LARGE1: variants seen among roughly 807,000 people sequenced by gnomAD.
The protein encoded by LARGE1 is LARGE xylosyl- and glucuronyltransferase 1.
Under a neutral mutation model 87.6 loss-of-function variants are expected in LARGE1, and 43 were observed. The observed-to-expected ratio is 0.49, with a 90% confidence interval of 0.38 to 0.63. The LOEUF is 0.63. Among genes scored for constraint, LARGE1 ranks in the 30% least tolerant of loss-of-function variants. The pLI is 0.00. For synonymous variants in LARGE1, 434 were observed against 394.6 expected (o/e 1.10, Z -1.18); for missense variants, 802 against 1,000.2 (o/e 0.80, Z 2.67).
chr22:33,070,252 G>C, the LARGE1 span, among the ~76,000 whole-genome samples: 1 of 152,224 alleles, frequency 6.6e-6, no homozygotes, highest in Non-Finnish European at 1.5e-5. Context: ...CACTGGGCCA[G>C]GGGTCTAGTA....
At chr22:33,444,696 T>C (rs1051652205) in intron 6 of LARGE1, among the ~76,000 whole-genome samples, 2 of 152,200 alleles carry the variant, frequency 1.3e-5, no homozygotes, top group African/African-American at 4.8e-5. Context: ...GAAAGGCGTA[T>C]TTCAAAGGTC....
intron 1 of LARGE1, among the ~76,000 whole-genome samples, chr22:33,839,292 AC>A (rs770338068): frequency 2.6e-5 from 4 of 152,174 alleles, no homozygotes; most frequent in Non-Finnish European, 5.9e-5. Flanking sequence ...CTTTTAAACA[AC>A]CAGATTTCTC....
At chr22:33,279,541 C>T (rs1299581082) in intron 13 of LARGE1, among the ~76,000 whole-genome samples, 6 of 152,150 alleles carry the variant, frequency 3.9e-5, no homozygotes, top group Non-Finnish European at 7.3e-5. Context: ...TGGGCACTGG[C>T]CAATGGGTGG....
At chr22:33,147,927 C>A in the LARGE1 span, among the ~76,000 whole-genome samples, 1 of 152,272 alleles carries the variant, frequency 6.6e-6, no homozygotes. Context: ...TTAAATGTCC[C>A]TACCAAAATT....
At chr22:33,390,635 CA>C (rs2065483219) in intron 7 of LARGE1, among the ~76,000 whole-genome samples, 3 of 151,664 alleles carry the variant, frequency 2.0e-5, no homozygotes, top group Non-Finnish European at 4.4e-5. Flanking sequence ...GGGCCATAGG[CA>C]AGCTGCTCTT....
Position 33,629,138 on chromosome 22 carries a change from A to C in LARGE1, c.409-2812T>G, listed in dbSNP as rs138404963. Among the ~76,000 whole-genome samples the C allele has an allele frequency of 1.4e-4, 22 of 152,248 alleles. No individual in the cohort carries two copies. In the East Asian group the frequency reaches 4.1e-3, roughly 28 times the overall value. On this transcript the variant is annotated intron_variant, in intron 3 of 14. Transcript: ENST00000397394. Reference sequence around the variant, plus strand: ...GAAAGACACCATTGCTTATCTCTGGATAATATCTGTAAAAGACTCAGGATG... The same window carrying C: ...GAAAGACACCATTGCTTATCTCTGGCTAATATCTGTAAAAGACTCAGGATG...
chr22:33,843,967 T>C (rs1267985902), intron 1 of LARGE1, among the ~76,000 whole-genome samples: 1 of 151,024 alleles, frequency 6.6e-6, no homozygotes, highest in Non-Finnish European at 1.5e-5. Flanking sequence ...TAATCCCAGC[T>C]AGTTGGGAGG....
intron 2 of LARGE1, chr22:33,732,808 T>C (rs1210180463): frequency 1.3e-5 from 2 of 152,262 alleles, no homozygotes; most frequent in Non-Finnish European, 2.9e-5. Flanking sequence ...CACACTCTCC[T>C]GTGGCAGCCG....
intron 3 of LARGE1, among the ~76,000 whole-genome samples, chr22:33,641,940 C>CG (rs1384077514): frequency 6.6e-6 from 1 of 152,112 alleles, no homozygotes; most frequent in East Asian, 1.9e-4. Flanking sequence ...AGAATGGAAC[C>CG]AAGTTGGAAA....
intron 2 of LARGE1, among the ~76,000 whole-genome samples, chr22:33,737,959 T>C (rs568976110): frequency 7.2e-5 from 11 of 152,246 alleles, no homozygotes; most frequent in Admixed American, 2.0e-4. Flanking sequence ...ATACACTCTG[T>C]GCCTTTGAGA....
intron 6 of LARGE1, among the ~76,000 whole-genome samples, chr22:33,509,570 C>T (rs756530727): frequency 2.6e-5 from 4 of 152,052 alleles, no homozygotes; most frequent in South Asian, 2.1e-4. Flanking sequence ...CCCACCCCAG[C>T]CTCCCAAGTA....
At position 33,459,444 on chromosome 22, in the gene LARGE1, T is replaced by C. The variant is rs985724902; in HGVS notation, c.788-27179A>G. 8.1e-4 allele frequency among the ~76,000 whole-genome samples: 81 copies of C among 100,242 alleles called. No individual in the cohort carries two copies. In the Middle Eastern group the frequency reaches 0.022, roughly 28 times the overall value. The allele number at this position is 100,242 out of a possible 152,430, so 65.8% of individuals were successfully genotyped here. A position where few individuals can be genotyped will look rare whatever the true frequency, so the allele number is the denominator to read the frequency against. On this transcript the variant is annotated intron_variant, in intron 6 of 14. Coordinates refer to ENST00000397394, the MANE Select transcript of LARGE1 (RefSeq NM_133642.5). ...ACAAAGCTCGCTCGCTCTCTCTCTT[T>C]TTTTTTTTTTTTTTTTTTGACATTG... is the stretch of plus-strand genomic sequence containing the variant.
chr22:33,134,413 C>T, the LARGE1 span, among the ~76,000 whole-genome samples: 2 of 152,100 alleles, frequency 1.3e-5, no homozygotes, highest in Admixed American at 1.3e-4. Context: ...CGCCCGCCAC[C>T]ACGCCTGGCT....
At chr22:33,825,481 C>CACA in intron 1 of LARGE1, among the ~76,000 whole-genome samples, 1 of 151,970 alleles carries the variant, frequency 6.6e-6, no homozygotes, top group African/African-American at 2.4e-5. Context: ...AGGAAACTTA[C>CACA]GATCATGATG....
At chr22:33,882,800 C>A (rs1427271807) in intron 1 of LARGE1, among the ~76,000 whole-genome samples, 1 of 152,170 alleles carries the variant, frequency 6.6e-6, no homozygotes, top group Non-Finnish European at 1.5e-5. Context: ...CTGCCATTCT[C>A]CTACCTTTGC....
chr22:33,209,894 C>A (rs1413361832), intron 11 of LARGE1, among the ~76,000 whole-genome samples: 1 of 152,160 alleles, frequency 6.6e-6, no homozygotes, highest in Non-Finnish European at 1.5e-5. Context: ...AGGGATCCTC[C>A]CACTTCAGCT....
At chr22:33,313,985 T>TG (rs1311698558) in intron 11 of LARGE1, among the ~76,000 whole-genome samples, 1 of 152,218 alleles carries the variant, frequency 6.6e-6, no homozygotes, top group Non-Finnish European at 1.5e-5. Flanking sequence ...GCATACTCCT[T>TG]GAAGACAGGG....
chr22:33,708,030 T>C (rs1016991543), intron 2 of LARGE1, among the ~76,000 whole-genome samples: 8 of 152,086 alleles, frequency 5.3e-5, no homozygotes, highest in African/African-American at 1.7e-4. Context: ...AGGCTGACGA[T>C]GTCCAAGCTG....
chr22:33,858,128 T>C (rs1601792268), intron 1 of LARGE1, among the ~76,000 whole-genome samples: 2 of 152,132 alleles, frequency 1.3e-5, no homozygotes, highest in African/African-American at 4.8e-5. Context: ...GTGACTAGTG[T>C]TCAACTCGAT....
Sources: gnomAD v4.1 joint callset for allele counts (sites outside exome capture counted in the v4.1 genomes callset) on GRCh38, gnomAD v4.1.1 for gene constraint, MANE v1.5 for transcripts, NCBI Gene and HGNC (gene_info 2026-07-23, HGNC 2026-07-21) for gene names.